Variants in TTYH2 observed in about 807,000 individuals in gnomAD.
The protein encoded by TTYH2 is protein tweety homolog 2.
A neutral mutation model predicts 68.3 loss-of-function variants in TTYH2; 49 were observed. That is an observed-to-expected ratio of 0.72 (90% CI 0.57 to 0.91). TTYH2 has a LOEUF of 0.91. TTYH2 is among the 40% of genes least tolerant of loss of function. The pLI is 0.00. For synonymous variants in TTYH2, 272 were observed against 300.8 expected, an observed-to-expected ratio of 0.90 and a Z score of 0.99; for missense variants, 631 against 700.4, an observed-to-expected ratio of 0.90 and a Z score of 1.12.
rs1452377908 is a variant in TTYH2 at position 74,213,765 on chromosome 17, G to T, written c.129+49G>T. On this transcript the variant is annotated intron_variant, in intron 1 of 13. Coordinates refer to ENST00000269346, the MANE Select transcript of TTYH2 (RefSeq NM_032646.6). The surrounding 1 kb of genome is among the most constrained non-coding windows in gnomAD (Gnocchi z 6.1). ...GCAGCCACGCGCGCCCCAAGTCCCC[G>T]CACTACCCCCTCTCCCCTCGAGAGC... 1.3e-6 allele frequency: 2 copies of T among 1,590,080 alleles called. No individual in the cohort carries two copies. Among genetic ancestry groups the T allele is most frequent in the Non-Finnish European group, 1.7e-6 (2 of 1,167,392 alleles).
rs892179697 is a variant in TTYH2 at position 74,261,870 on chromosome 17, A to T, written c.*1661A>T. 1.3e-5 allele frequency: 2 copies of T among 152,458 alleles called. No homozygotes were observed. The highest frequency in any genetic ancestry group is 2.9e-5 in the Non-Finnish European group (2 of 68,044). The allele number at this position is 152,458 out of a possible 1,614,324, so 9.4% of individuals were successfully genotyped here. A position where few individuals can be genotyped will look rare whatever the true frequency, so the allele number is the denominator to read the frequency against. On this transcript the variant is annotated 3_prime_UTR_variant, in exon 14 of 14. Transcript: ENST00000269346. Reference sequence around the variant, plus strand: ...CTGCGACGTCAAAGTGTTGCTTCTTAAAGTTTCATTATTGGCAACTAGAGG... The same window carrying T: ...CTGCGACGTCAAAGTGTTGCTTCTTTAAGTTTCATTATTGGCAACTAGAGG...
chr17:74,242,691 C>T (rs192350153), intron 4 of TTYH2, among the ~76,000 whole-genome samples: 42 of 152,312 alleles, frequency 2.8e-4, no homozygotes, highest in African/African-American at 9.4e-4. Flanking sequence ...CTGCGCCTGT[C>T]CTGAACCTAA....
chr17:74,216,771 T>A (rs995637053), intron 1 of TTYH2, among the ~76,000 whole-genome samples: 13 of 152,246 alleles, frequency 8.5e-5, no homozygotes, highest in African/African-American at 2.9e-4. Context: ...GGCTGCCAGA[T>A]GTGGCTGTAT....
Position 74,260,281 on chromosome 17 carries a change from T to TA in TTYH2, c.*72_*73insA. The TA allele has an allele frequency of 1.3e-6, 2 of 1,520,450 alleles. No individual in the cohort carries two copies. The highest frequency in any genetic ancestry group is 1.8e-6 in the Non-Finnish European group (2 of 1,100,330). The allele number at this position is 1,520,450 out of a possible 1,614,324, so 94.2% of individuals were successfully genotyped here. A position where few individuals can be genotyped will look rare whatever the true frequency, so the allele number is the denominator to read the frequency against. ...TTAGTGCAAATACAAGCTGCGTTTC[T>TA]TTAATAGAAACCAAAGGCATCTGGA... On this transcript the variant is annotated 3_prime_UTR_variant, in exon 14 of 14. Transcript: ENST00000269346.
intron 4 of TTYH2, among the ~76,000 whole-genome samples, chr17:74,240,155 G>A (rs1030883817): frequency 1.3e-5 from 2 of 152,200 alleles, no homozygotes; most frequent in Non-Finnish European, 2.9e-5. Context: ...TATTCGGGTT[G>A]AGGCAGAAGA....
intron 6 of TTYH2, among the ~76,000 whole-genome samples, chr17:74,245,931 A>T (rs1337793781): frequency 6.8e-6 from 1 of 148,034 alleles, no homozygotes; most frequent in African/African-American, 2.5e-5. Context: ...AAAGGACTCC[A>T]TGAGGACAGA....
intron 6 of TTYH2, 57 bp downstream of exon 6, chr17:74,244,106 G>A: frequency 1.9e-6 from 3 of 1,544,220 alleles, no homozygotes; most frequent in Non-Finnish European, 2.7e-6. Flanking sequence ...GGACACTCTG[G>A]TGTGTCTCCA....
chr17:74,253,700 C>A, intron 12 of TTYH2, 55 bp from the exon 13 acceptor site: 1 of 1,572,972 alleles, frequency 6.4e-7, no homozygotes, highest in Non-Finnish European at 8.7e-7. Context: ...TAGAAATCTA[C>A]ACACACCCCC....
chr17:74,257,749 C>T (rs1049533728), intron 13 of TTYH2, among the ~76,000 whole-genome samples: 15 of 152,190 alleles, frequency 9.9e-5, no homozygotes, highest in Non-Finnish European at 1.9e-4. Context: ...AAGATACTGA[C>T]GTTGAGACTT....
In TTYH2 at chr17:74,243,973, C is replaced by A; in HGVS notation, c.732-4C>A. On this transcript the variant is annotated splice_polypyrimidine_tract_variant and splice_region_variant and intron_variant, in intron 5 of 13. Coordinates refer to ENST00000269346, the MANE Select transcript of TTYH2 (RefSeq NM_032646.6). ...GCCAACGTTGTCGCCTGCCTCTCTC[C>A]TAGGATGCTGTGCTGTGGGGCACTG... The A allele has an allele frequency of 6.2e-7, 1 of 1,611,466 alleles. No individual in the cohort carries two copies. Among genetic ancestry groups the A allele is most frequent in the Non-Finnish European group, 8.5e-7 (1 of 1,179,780 alleles).
rs2050224076 is a variant in TTYH2, at chr17:74,216,607, A to G, written c.129+2891A>G. 2.0e-5 allele frequency among the ~76,000 whole-genome samples: 3 copies of G among 152,182 alleles called. No homozygotes were observed. In the South Asian group the frequency reaches 6.2e-4, roughly 32 times the overall value. Reference sequence around the variant, plus strand: ...AGTTGATCCTCACCCCTCTCCCCCCAGTGAACTTGAGCCCAAGTCCTCGCA... The same window carrying G: ...AGTTGATCCTCACCCCTCTCCCCCCGGTGAACTTGAGCCCAAGTCCTCGCA... On this transcript the variant is annotated intron_variant, in intron 1 of 13. Transcript: ENST00000269346.
chr17:74,217,933 G>T lies in TTYH2; in HGVS notation c.129+4217G>T, dbSNP rs533397076. ...TGGGAGCTGGGGGCCTGGTGTTGCT[G>T]TGGGACAAGGAGGTGGCTGCAGGGC... On this transcript the variant is annotated intron_variant, in intron 1 of 13. Transcript: ENST00000269346. This position sits in a 1 kb window ranked among gnomAD's most constrained non-coding sequence, Gnocchi z 4.0. Among the ~76,000 whole-genome samples the T allele has an allele frequency of 0.018, 2,811 of 152,242 alleles. 98 individuals are homozygous for T. Among genetic ancestry groups the T allele is most frequent in the African/African-American group, 0.062 (2,557 of 41,522 alleles).
intron 4 of TTYH2, among the ~76,000 whole-genome samples, chr17:74,238,589 G>A (rs1328699974): frequency 6.6e-6 from 1 of 151,966 alleles, no homozygotes; most frequent in African/African-American, 2.4e-5. Context: ...TTTTGCAGCT[G>A]GGACTGGTGG....
intron 3 of TTYH2, among the ~76,000 whole-genome samples, chr17:74,236,852 G>A (rs1479937468): frequency 1.3e-5 from 2 of 151,980 alleles, no homozygotes; most frequent in African/African-American, 4.8e-5. Flanking sequence ...TCAGGCCTGG[G>A]GCAGCATGGT....
chr17:74,229,149 G>T (rs977949902), intron 2 of TTYH2, among the ~76,000 whole-genome samples: 3 of 152,160 alleles, frequency 2.0e-5, no homozygotes, highest in Admixed American at 1.3e-4. Flanking sequence ...GTGGCCTGAG[G>T]ATGTTGGGGG....
At chr17:74,243,909 G>C in intron 5 of TTYH2, 68 bp from the exon 6 acceptor site, 2 of 1,492,764 alleles carry the variant, frequency 1.3e-6, no homozygotes, top group Admixed American at 3.5e-5. Context: ...TGGGGGCAGG[G>C]TGGGTGGGGT....
chr17:74,225,810 G>A (rs556612019), intron 2 of TTYH2, among the ~76,000 whole-genome samples: 3 of 152,232 alleles, frequency 2.0e-5, no homozygotes, highest in African/African-American at 7.2e-5. Flanking sequence ...CATTCCGTGT[G>A]AGGGATCAAC....
chr17:74,260,231 C>T lies in TTYH2; in HGVS notation c.*22C>T. ...CTAACAGACTTTCGGGGGTTCCTGC[C>T]TCCTTTTTCCGTTCTGGTTTTTAAT... On this transcript the variant is annotated 3_prime_UTR_variant, in exon 14 of 14. Transcript: ENST00000269346. 6.2e-7 allele frequency: 1 copy of T among 1,610,308 alleles called. No individual in the cohort carries two copies.
chr17:74,256,030 T>G (rs2050690758), intron 13 of TTYH2, among the ~76,000 whole-genome samples: 1 of 152,084 alleles, frequency 6.6e-6, no homozygotes, highest in Non-Finnish European at 1.5e-5. Context: ...AATCATAGTG[T>G]CAGACCCGAG....
Sources: gnomAD v4.1 joint callset for allele counts (sites outside exome capture counted in the v4.1 genomes callset) on GRCh38, gnomAD v4.1.1 for gene constraint, Gnocchi (gnomAD v3.1) non-coding constraint, MANE v1.5 for transcripts, NCBI Gene and HGNC (gene_info 2026-07-23, HGNC 2026-07-21) for gene names.